The following ZWILCH variants were observed in gnomAD, a reference collection of about 807,000 sequenced individuals.
ZWILCH encodes protein zwilch homolog.
ZWILCH carries 74 observed loss-of-function variants against 79.9 expected under a neutral mutation model. That is an observed-to-expected ratio of 0.93 (90% CI 0.77 to 1.12). The LOEUF (loss-of-function observed/expected upper bound fraction) is 1.12. Among genes scored for constraint, ZWILCH ranks in the 50% most tolerant of loss-of-function variants. The probability of loss-of-function intolerance (pLI) is 0.00; values close to 1 mark genes in which losing one functional copy is unlikely to be tolerated. For missense variants in ZWILCH, 694 were observed against 687.5 expected (o/e 1.01, Z -0.11); for synonymous variants, 241 against 228.2 (o/e 1.06, Z -0.51).
chr15:66,527,516 C>G (rs1894713625), intron 9 of ZWILCH, 133 bp downstream of exon 9: 3 of 712,140 alleles, frequency 4.2e-6, no homozygotes, highest in Admixed American at 5.7e-5. Flanking sequence ...AGAGGGACAG[C>G]TTTTGTTCTG....
chr15:66,537,347 C>T (rs1895047837), intron 16 of ZWILCH, 84 bp downstream of exon 16: 1 of 1,004,658 alleles, frequency 1.0e-6, no homozygotes, highest in Admixed American at 1.9e-5. Flanking sequence ...AACTTGAGCT[C>T]AGGAGTTCGA....
chr15:66,510,345 C>G, intron 2 of ZWILCH, among the ~76,000 whole-genome samples: 1 of 150,372 alleles, frequency 6.7e-6, no homozygotes, highest in South Asian at 2.1e-4. Flanking sequence ...AGAGATCGCA[C>G]CACTGCACTC....
In ZWILCH at chr15:66,544,724, T is replaced by TTTTTTTTTTTTGTGTGTGTGTG. The variant is rs145952622; in HGVS notation, c.1688-1866_1688-1865insTTTTTTTTTTGTGTGTGTGTGT. 1.5e-3 allele frequency among the ~76,000 whole-genome samples: 195 copies of TTTTTTTTTTTTGTGTGTGTGTG among 128,442 alleles called. 2 individuals are homozygous for TTTTTTTTTTTTGTGTGTGTGTG. The highest frequency in any genetic ancestry group is 0.013 in the Admixed American group (147 of 11,758). 84.3% of individuals were successfully genotyped at this position (128,442 alleles called of 152,430 possible). ...TGTTTTTTTGTTGTTTTTTTGGTTT[T>TTTTTTTTTTTTGTGTGTGTGTG]TGTGTGTGTGTGTGTGTGTGTGTGT... On this transcript the variant is annotated intron_variant, in intron 17 of 18. Transcript: ENST00000307897.
intron 4 of ZWILCH, among the ~76,000 whole-genome samples, chr15:66,518,182 C>T (rs1489508645): frequency 1.3e-5 from 2 of 151,966 alleles, no homozygotes; most frequent in African/African-American, 2.4e-5. Flanking sequence ...CTTTCTGGTG[C>T]GTGCATTTTG....
At chr15:66,526,093 C>T (rs748748967) in intron 8 of ZWILCH, among the ~76,000 whole-genome samples, 7 of 152,058 alleles carry the variant, frequency 4.6e-5, no homozygotes, top group African/African-American at 9.7e-5. Flanking sequence ...GACCTCCCCC[C>T]GGGAGTGGGA....
chr15:66,529,905 T>TC (rs1894808233), intron 12 of ZWILCH, among the ~76,000 whole-genome samples: 1 of 152,234 alleles, frequency 6.6e-6, no homozygotes, highest in African/African-American at 2.4e-5. Context: ...TCTCATATAC[T>TC]ACTGATGAGA....
At chr15:66,509,495 A>G (rs1893949164) in intron 2 of ZWILCH, among the ~76,000 whole-genome samples, 1 of 152,156 alleles carries the variant, frequency 6.6e-6, no homozygotes, top group Non-Finnish European at 1.5e-5. Flanking sequence ...TGTTGTGAGT[A>G]TCAACAATTC....
intron 7 of ZWILCH, 28 bp downstream of exon 7, chr15:66,521,233 GGT>G: frequency 1.2e-6 from 2 of 1,602,184 alleles, no homozygotes; most frequent in Non-Finnish European, 1.7e-6. Context: ...TTCCTTTTCG[GGT>G]TCATGAGACT....
intron 17 of ZWILCH, among the ~76,000 whole-genome samples, chr15:66,541,129 A>G (rs962757764): frequency 6.6e-5 from 10 of 151,172 alleles, no homozygotes; most frequent in Admixed American, 1.3e-4. Flanking sequence ...AAAAAAAAAA[A>G]TACAAAAATT....
At chr15:66,505,649 C>G in intron 1 of ZWILCH, 1 of 518,690 alleles carries the variant, frequency 1.9e-6, no homozygotes, top group Non-Finnish European at 3.4e-6. Flanking sequence ...GCGATTTATT[C>G]TTTCTGCTGA....
Position 66,523,883 on chromosome 15 carries a change from T to C in ZWILCH, c.819+135T>C, listed in dbSNP as rs908396745. The C allele has an allele frequency of 5.2e-6, 3 of 572,986 alleles. No homozygotes were observed. The African/African-American group carries it at 5.6e-5, about 11-fold the overall frequency. 35.5% of individuals were successfully genotyped at this position (572,986 alleles called of 1,614,324 possible). On this transcript the variant is annotated intron_variant, in intron 8 of 18. Transcript: ENST00000307897. ...GTATCCATTAGAAGCTCTGACAGTT[T>C]GGGCAGTTAAATTTTACTTCTGTGG...
intron 2 of ZWILCH, among the ~76,000 whole-genome samples, chr15:66,513,781 C>T (rs995800491): frequency 1.3e-5 from 2 of 151,952 alleles, no homozygotes; most frequent in Non-Finnish European, 2.9e-5. Flanking sequence ...CCGTGTTAGC[C>T]AGGATGGTCT....
intron 5 of ZWILCH, 73 bp downstream of exon 5, chr15:66,519,151 G>A (rs907890373): frequency 8.9e-6 from 13 of 1,459,074 alleles, no homozygotes; most frequent in East Asian, 2.3e-5. Context: ...GTTTTTTTAC[G>A]AAAATTGATA....
chr15:66,535,217 G>A (rs1364948974), intron 14 of ZWILCH, among the ~76,000 whole-genome samples: 2 of 152,076 alleles, frequency 1.3e-5, no homozygotes, highest in East Asian at 3.9e-4. Flanking sequence ...GATAACATAG[G>A]TGCCTTCTGG....
chr15:66,531,929 C>T (rs1208742874), intron 12 of ZWILCH, among the ~76,000 whole-genome samples: 4 of 151,976 alleles, frequency 2.6e-5, no homozygotes, highest in Non-Finnish European at 5.9e-5. Context: ...TAGCCAGGTG[C>T]AGTGGCATGC....
rs76049458 is a variant in ZWILCH, at chr15:66,523,333, G to A, written c.748-344G>A. 2.5e-3 allele frequency: 465 copies of A among 188,642 alleles called. 2 individuals are homozygous for A. Among genetic ancestry groups the A allele is most frequent in the African/African-American group, 0.01 (446 of 43,134 alleles). 11.7% of individuals were successfully genotyped at this position (188,642 alleles called of 1,614,324 possible). On this transcript the variant is annotated intron_variant, in intron 7 of 18. Coordinates refer to ENST00000307897, the MANE Select transcript of ZWILCH (RefSeq NM_017975.5). ...TTTGTGATAATGCTAAGTTATCACCGAATCTTGAGATATATTTATGTAAAT... is the reference window on the plus strand; with the variant it reads ...TTTGTGATAATGCTAAGTTATCACCAAATCTTGAGATATATTTATGTAAAT...
chr15:66,523,887 C>CAGTTAAATTTTACTTCTGTGGT (rs1335228778), intron 8 of ZWILCH, 139 bp downstream of exon 8: 1 of 556,496 alleles, frequency 1.8e-6, no homozygotes, highest in Non-Finnish European at 3.0e-6. Flanking sequence ...ACAGTTTGGG[C>CAGTTAAATTTTACTTCTGTGGT]AGTTAAATTT....
chr15:66,508,608 A>G (rs1381680126), intron 1 of ZWILCH: 2 of 661,068 alleles, frequency 3.0e-6, no homozygotes, highest in African/African-American at 1.9e-5. Flanking sequence ...TGAGGGCAAC[A>G]GTCTATTAAT....
At chr15:66,511,652 T>C (rs1179930593) in intron 2 of ZWILCH, among the ~76,000 whole-genome samples, 3 of 152,192 alleles carry the variant, frequency 2.0e-5, no homozygotes, top group Non-Finnish European at 4.4e-5. Context: ...GGAGTCACTC[T>C]GTCATCCAGG....
Sources: gnomAD v4.1 joint callset for allele counts (sites outside exome capture counted in the v4.1 genomes callset) on GRCh38, gnomAD v4.1.1 for gene constraint, MANE v1.5 for transcripts, NCBI Gene and HGNC (gene_info 2026-07-23, HGNC 2026-07-21) for gene names.